SPECC1L: variants seen among roughly 807,000 people sequenced by gnomAD.
SPECC1L encodes cytospin-A.
In SPECC1L, 40 loss-of-function variants were observed where a neutral mutation model predicts 116.8. The ratio of observed to expected loss-of-function variants is 0.34; its 90% confidence interval spans 0.27 to 0.45. The LOEUF is 0.45. Among genes scored for constraint, SPECC1L ranks in the 20% least tolerant of loss-of-function variants. The pLI is 1.00. For synonymous variants in SPECC1L, 504 were observed against 500.6 expected, an observed-to-expected ratio of 1.01 and a Z score of -0.09; for missense variants, 1,110 against 1,373.6, an observed-to-expected ratio of 0.81 and a Z score of 3.03.
intron 15 of SPECC1L, chr22:24,412,026 C>T (rs1377980493): frequency 1.2e-5 from 5 of 432,692 alleles, no homozygotes; most frequent in Non-Finnish European, 2.2e-5. Flanking sequence ...CAGGAGTAGT[C>T]AGGCAGTGCT....
At chr22:24,362,682 T>C (rs2146620773) in intron 11 of SPECC1L, among the ~76,000 whole-genome samples, 1 of 152,358 alleles carries the variant, frequency 6.6e-6, no homozygotes, top group East Asian at 1.9e-4. Context: ...TGTACCTTTC[T>C]CTGACTGTTG....
intron 2 of SPECC1L, among the ~76,000 whole-genome samples, chr22:24,279,349 A>G (rs1002355226): frequency 2.6e-5 from 4 of 152,178 alleles, no homozygotes; most frequent in East Asian, 3.8e-4. Flanking sequence ...ATGCAGTTCA[A>G]CGTTTCTCTT....
chr22:24,390,441 TTAAAAAA>T (rs1289592182), intron 14 of SPECC1L, among the ~76,000 whole-genome samples: 6 of 152,148 alleles, frequency 3.9e-5, no homozygotes, highest in Non-Finnish European at 7.3e-5. Context: ...CTTCCCAGAG[TTAAAAAA>T]TAAAAAAAGG....
chr22:24,411,094 A>G (rs2042687564), intron 14 of SPECC1L, among the ~76,000 whole-genome samples: 1 of 152,170 alleles, frequency 6.6e-6, no homozygotes, highest in South Asian at 2.1e-4. Context: ...AGGCTGAAGC[A>G]GGAGAAATCA....
Position 24,321,297 on chromosome 22 carries a change from C to G in SPECC1L, c.317C>G (p.Ser106Cys). The G allele has an allele frequency of 4.3e-6, 7 of 1,613,948 alleles. No homozygotes were observed. Among genetic ancestry groups the G allele is most frequent in the Non-Finnish European group, 5.9e-6 (7 of 1,180,032 alleles). Residue 106 changes from serine (S) to cysteine (C), a missense_variant, in exon 5 of 17, where the codon TCT becomes TGT. By Grantham distance (112) the Ser-to-Cys change is moderately radical. Transcript: ENST00000314328. ...TGTATTAAACACATAGGCACAGCTTCTTCAACCAAGCGGAGCACTTCTACA... is the reference window on the plus strand; with the variant it reads ...TGTATTAAACACATAGGCACAGCTTGTTCAACCAAGCGGAGCACTTCTACA... ...NKSKISTGTASSTKRSTSTGN... is the reference protein window; with the variant it reads ...NKSKISTGTACSTKRSTSTGN...
chr22:24,364,671 A>C (rs1025507522), intron 12 of SPECC1L, among the ~76,000 whole-genome samples: 1 of 151,514 alleles, frequency 6.6e-6, no homozygotes, highest in African/African-American at 2.4e-5. Flanking sequence ...CAAAAAAAAA[A>C]AAAAAAAAAG....
chr22:24,395,003 G>T (rs2042340108), intron 14 of SPECC1L, among the ~76,000 whole-genome samples: 1 of 151,916 alleles, frequency 6.6e-6, no homozygotes, highest in Non-Finnish European at 1.5e-5. Flanking sequence ...GCTAACTTTT[G>T]TGTTTTTGTA....
chr22:24,274,982 T>C (rs2048805617), intron 1 of SPECC1L, among the ~76,000 whole-genome samples: 1 of 152,208 alleles, frequency 6.6e-6, no homozygotes, highest in Non-Finnish European at 1.5e-5. Context: ...ACTCAGCTCA[T>C]TTTCTTATTT....
chr22:24,402,873 A>G (rs1265873154), intron 14 of SPECC1L, among the ~76,000 whole-genome samples: 1 of 152,164 alleles, frequency 6.6e-6, no homozygotes, highest in Non-Finnish European at 1.5e-5. Context: ...ACATTTAGAG[A>G]TCTTTTATGA....
intron 6 of SPECC1L, among the ~76,000 whole-genome samples, chr22:24,327,292 A>C (rs978626974): frequency 1.3e-5 from 2 of 149,894 alleles, no homozygotes; most frequent in African/African-American, 5.0e-5. Flanking sequence ...AAAAAAAAAA[A>C]AAAAAAAAAA....
At chr22:24,368,434 A>C (rs758415524) in intron 13 of SPECC1L, among the ~76,000 whole-genome samples, 1 of 152,222 alleles carries the variant, frequency 6.6e-6, no homozygotes, top group Non-Finnish European at 1.5e-5. Flanking sequence ...AGTGTACAAC[A>C]TAGAACTAAA....
intron 2 of SPECC1L, among the ~76,000 whole-genome samples, chr22:24,298,162 T>C (rs2049304318): frequency 1.3e-5 from 2 of 152,150 alleles, no homozygotes; most frequent in African/African-American, 4.8e-5. Context: ...TATTATAAAA[T>C]AGGCTTCATG....
chr22:24,310,910 C>T (rs1037206976), intron 3 of SPECC1L, among the ~76,000 whole-genome samples: 6 of 151,986 alleles, frequency 3.9e-5, no homozygotes, highest in African/African-American at 9.7e-5. Context: ...GATTTAAAAT[C>T]GTAGTTAGAA....
intron 3 of SPECC1L, among the ~76,000 whole-genome samples, chr22:24,307,700 A>AT (rs1157746821): frequency 2.0e-5 from 3 of 151,488 alleles, no homozygotes; most frequent in Non-Finnish European, 4.4e-5. Flanking sequence ...AGTTGCCTAT[A>AT]TTTTTTTCTT....
chr22:24,314,649 G>A (rs1282594720), intron 4 of SPECC1L, among the ~76,000 whole-genome samples: 1 of 152,098 alleles, frequency 6.6e-6, no homozygotes, highest in Admixed American at 6.6e-5. Flanking sequence ...CTGAGCATGT[G>A]GATTTTTATA....
At chr22:24,313,252 T>A (rs1426478076) in intron 3 of SPECC1L, 61 bp from the exon 4 acceptor site, 2 of 1,574,940 alleles carry the variant, frequency 1.3e-6, no homozygotes, top group African/African-American at 2.7e-5. Context: ...CTTTGTTGAG[T>A]CTCAAAATAT....
chr22:24,404,378 G>A (rs960041817), intron 14 of SPECC1L, among the ~76,000 whole-genome samples: 1 of 152,144 alleles, frequency 6.6e-6, no homozygotes, highest in Non-Finnish European at 1.5e-5. Flanking sequence ...TATCTCCAAG[G>A]TATCTTGAAC....
chr22:24,282,553 T>C (rs1219972229), intron 2 of SPECC1L, among the ~76,000 whole-genome samples: 3 of 152,214 alleles, frequency 2.0e-5, no homozygotes, highest in African/African-American at 4.8e-5. Flanking sequence ...TTTTTGATCC[T>C]ATGGGGAAAA....
intron 1 of SPECC1L, 138 bp from the exon 2 acceptor site, chr22:24,276,562 G>GT (rs1255172221): frequency 3.4e-6 from 1 of 291,912 alleles, no homozygotes; most frequent in Non-Finnish European, 6.8e-6. Flanking sequence ...GAGCCTAGGA[G>GT]TTTGAGTTCA....
Sources: allele counts gnomAD v4.1 joint callset (sites outside exome capture counted in the v4.1 genomes callset), GRCh38; gene constraint gnomAD v4.1.1; transcripts MANE v1.5; gene names NCBI Gene and HGNC (gene_info 2026-07-23, HGNC 2026-07-21).